Variants in PTPRD observed in about 807,000 individuals in gnomAD.
The protein encoded by PTPRD is protein tyrosine phosphatase receptor type D, also known as receptor-type tyrosine-protein phosphatase delta.
A neutral mutation model predicts 214.5 loss-of-function variants in PTPRD; 34 were observed. The observed-to-expected ratio is 0.16, with a 90% CI of 0.12 to 0.21. The LOEUF (loss-of-function observed/expected upper bound fraction) is 0.21. Ranked by LOEUF, PTPRD falls within the 10% of genes least tolerant of loss-of-function variation. The probability of loss-of-function intolerance (pLI) is 1.00; values close to 1 mark genes in which losing one functional copy is unlikely to be tolerated. For missense variants in PTPRD, 2,545 were observed against 2,398.7 expected, an observed-to-expected ratio of 1.06 and a Z score of -1.27; for synonymous variants, 1,128 against 845.7, an observed-to-expected ratio of 1.33 and a Z score of -5.79.
intron 9 of PTPRD, among the ~76,000 whole-genome samples, chr9:9,355,287 T>A (rs1391105542): frequency 1.3e-5 from 2 of 151,716 alleles, no homozygotes; most frequent in Non-Finnish European, 2.9e-5. Context: ...GAATGAATTA[T>A]AATGGTACAA....
chr9:9,309,029 G>A (rs1394841444), intron 9 of PTPRD, among the ~76,000 whole-genome samples: 1 of 151,952 alleles, frequency 6.6e-6, no homozygotes, highest in African/African-American at 2.4e-5. Context: ...TCATTTAGCT[G>A]ATTTGTTTTA....
intron 6 of PTPRD, among the ~76,000 whole-genome samples, chr9:9,740,846 C>A (rs1214758992): frequency 6.6e-6 from 1 of 152,062 alleles, no homozygotes. Context: ...GGAAAGTCAA[C>A]GAATGCTTTG....
chr9:9,194,681 T>C (rs1324444590), intron 9 of PTPRD, among the ~76,000 whole-genome samples: 2 of 152,158 alleles, frequency 1.3e-5, no homozygotes, highest in African/African-American at 2.4e-5. Flanking sequence ...CTGGTCAGTA[T>C]ACTTATATGG....
intron 2 of PTPRD, among the ~76,000 whole-genome samples, chr9:10,460,563 A>C (rs2098951205): frequency 6.6e-6 from 1 of 152,188 alleles, no homozygotes; most frequent in African/African-American, 2.4e-5. Context: ...CCCCAAAATA[A>C]ATCTAAACAT....
At chr9:8,881,608 C>G (rs760634179) in intron 11 of PTPRD, among the ~76,000 whole-genome samples, 1 of 152,140 alleles carries the variant, frequency 6.6e-6, no homozygotes, top group Non-Finnish European at 1.5e-5. Flanking sequence ...ATTCAACGTA[C>G]GTGTTTTTCT....
chr9:9,185,313 A>G (rs953070631), intron 9 of PTPRD, among the ~76,000 whole-genome samples: 2 of 152,076 alleles, frequency 1.3e-5, no homozygotes, highest in African/African-American at 2.4e-5. Context: ...CTCAGTCAGC[A>G]TGCCTCCATG....
At chr9:9,881,765 C>G (rs1228126163) in intron 5 of PTPRD, among the ~76,000 whole-genome samples, 3 of 152,104 alleles carry the variant, frequency 2.0e-5, no homozygotes, top group African/African-American at 7.2e-5. Flanking sequence ...TTCAGAGTAA[C>G]CATATCATTT....
intron 10 of PTPRD, among the ~76,000 whole-genome samples, chr9:9,161,260 C>T (rs935848112): frequency 6.6e-6 from 1 of 152,082 alleles, no homozygotes; most frequent in South Asian, 2.1e-4. Context: ...GATTATCTCA[C>T]ATTGTATATG....
chr9:10,160,214 C>G (rs1173938261), intron 3 of PTPRD, among the ~76,000 whole-genome samples: 3 of 151,938 alleles, frequency 2.0e-5, no homozygotes, highest in Admixed American at 6.6e-5. Flanking sequence ...ATAAAATAGA[C>G]TATTACAAAC....
At chr9:10,309,717 T>G (rs1302774382) in intron 3 of PTPRD, among the ~76,000 whole-genome samples, 1 of 151,824 alleles carries the variant, frequency 6.6e-6, no homozygotes, top group Admixed American at 6.6e-5. Context: ...CAATCAACAC[T>G]ATCCTCTCTT....
intron 4 of PTPRD, among the ~76,000 whole-genome samples, chr9:9,996,799 G>A (rs1255945563): frequency 6.6e-6 from 1 of 152,094 alleles, no homozygotes; most frequent in Non-Finnish European, 1.5e-5. Context: ...ATCCAGGAAG[G>A]TTACTAAAGA....
chr9:8,554,095 G>A (rs752245850), intron 14 of PTPRD, among the ~76,000 whole-genome samples: 2 of 152,138 alleles, frequency 1.3e-5, no homozygotes, highest in Non-Finnish European at 2.9e-5. Context: ...GGCTGAGGCA[G>A]TAGAATCACT....
intron 11 of PTPRD, among the ~76,000 whole-genome samples, chr9:8,766,164 C>A (rs1402251699): frequency 6.6e-6 from 1 of 150,976 alleles, no homozygotes; most frequent in Non-Finnish European, 1.5e-5. Context: ...TTTGGTTCAA[C>A]CCCATTTCGT....
chr9:9,344,306 T>A (rs1256558070), intron 9 of PTPRD, among the ~76,000 whole-genome samples: 2 of 151,486 alleles, frequency 1.3e-5, no homozygotes, highest in African/African-American at 4.9e-5. Context: ...GGAGGGGGCA[T>A]CACACACTGA....
intron 3 of PTPRD, among the ~76,000 whole-genome samples, chr9:10,130,715 C>T (rs568466719): frequency 1.8e-4 from 27 of 151,936 alleles, no homozygotes; most frequent in Non-Finnish European, 2.5e-4. Context: ...AGTAATAACA[C>T]TTCTGAACAA....
At chr9:9,466,437 G>C (rs1022505431) in intron 8 of PTPRD, among the ~76,000 whole-genome samples, 4 of 152,168 alleles carry the variant, frequency 2.6e-5, no homozygotes, top group South Asian at 2.1e-4. Flanking sequence ...TGAAACTGCA[G>C]AGTACAAATC....
chr9:10,342,282 A>C (rs2096955732), intron 2 of PTPRD, among the ~76,000 whole-genome samples: 1 of 152,066 alleles, frequency 6.6e-6, no homozygotes, highest in Admixed American at 6.6e-5. Flanking sequence ...TTGCTTATTC[A>C]AGATTATAGT....
At chr9:9,777,736 A>G (rs997865584) in intron 5 of PTPRD, among the ~76,000 whole-genome samples, 1 of 152,170 alleles carries the variant, frequency 6.6e-6, no homozygotes, top group Non-Finnish European at 1.5e-5. Context: ...AACTCTGGAA[A>G]CATGTTGATA....
At chr9:8,927,364 C>A (rs2098907385) in intron 11 of PTPRD, among the ~76,000 whole-genome samples, 1 of 152,076 alleles carries the variant, frequency 6.6e-6, no homozygotes, top group African/African-American at 2.4e-5. Flanking sequence ...TAATGCTATT[C>A]CCCAACATGA....
Sources: gnomAD v4.1 joint callset for allele counts (sites outside exome capture counted in the v4.1 genomes callset) on GRCh38, gnomAD v4.1.1 for gene constraint, MANE v1.5 for transcripts, NCBI Gene and HGNC (gene_info 2026-07-23, HGNC 2026-07-21) for gene names.